The following NCOA2 variants were observed in gnomAD, a reference collection of about 807,000 sequenced individuals.
NCOA2 encodes the protein nuclear receptor coactivator 2.
Under a neutral mutation model 145.1 loss-of-function variants are expected in NCOA2, and 21 were observed. The observed-to-expected ratio is 0.14, with a 90% CI of 0.10 to 0.21. The LOEUF (loss-of-function observed/expected upper bound fraction) is 0.21. Ranked by LOEUF, NCOA2 falls within the 10% of genes least tolerant of loss-of-function variation. The probability of loss-of-function intolerance (pLI) is 1.00; values close to 1 mark genes in which losing one functional copy is unlikely to be tolerated. For synonymous variants in NCOA2, 619 were observed against 637.5 expected, an observed-to-expected ratio of 0.97 and a Z score of 0.44; for missense variants, 1,472 against 1,837.6, an observed-to-expected ratio of 0.80 and a Z score of 3.64.
At chr8:70,113,671 A>G (rs1806753978) in intron 22 of NCOA2, 28 bp from the exon 23 acceptor site, 2 of 1,550,136 alleles carry the variant, frequency 1.3e-6, no homozygotes, top group Non-Finnish European at 1.7e-6. Context: ...AAAAGTTGTG[A>G]AACATCTTTG....
chr8:70,114,189 T>A (rs780996811), intron 22 of NCOA2, among the ~76,000 whole-genome samples: 3 of 152,074 alleles, frequency 2.0e-5, no homozygotes, highest in Non-Finnish European at 4.4e-5. Flanking sequence ...TTTTGACTCC[T>A]GGGGTTTTGT....
chr8:70,422,136 A>T, the NCOA2 span, among the ~76,000 whole-genome samples: 1 of 152,072 alleles, frequency 6.6e-6, no homozygotes, highest in Non-Finnish European at 1.5e-5. Context: ...CACCAAAAAA[A>T]AGAAAGAAAA....
At chr8:70,155,888 C>T in intron 11 of NCOA2, 83 bp downstream of exon 11, 1 of 1,110,940 alleles carries the variant, frequency 9.0e-7, no homozygotes. Flanking sequence ...ATCCAATCAC[C>T]TGAGACTTCA....
intron 2 of NCOA2, among the ~76,000 whole-genome samples, chr8:70,224,913 C>T (rs1820478150): frequency 6.6e-6 from 1 of 151,846 alleles, no homozygotes; most frequent in African/African-American, 2.4e-5. Context: ...CCACTCCCTG[C>T]CCCGCTCCTC....
Position 70,212,196 on chromosome 8 carries a change from T to C in NCOA2, c.259+1707A>G, listed in dbSNP as rs60796592. ...AAACCTAAAACAAGAAGCTTAATGA[T>C]TTCTTTACTGTAATGACATCAGCAA... On this transcript the variant is annotated intron_variant, in intron 4 of 22. Coordinates refer to ENST00000452400, the MANE Select transcript of NCOA2 (RefSeq NM_006540.4). Among the ~76,000 whole-genome samples, 576 of 152,130 alleles carry C rather than the reference T, an allele frequency of 3.8e-3. 8 individuals are homozygous for C. Among genetic ancestry groups the C allele is most frequent in the African/African-American group, 0.013 (560 of 41,490 alleles).
the NCOA2 span, among the ~76,000 whole-genome samples, chr8:70,440,822 A>G: frequency 2.0e-5 from 3 of 151,626 alleles, no homozygotes; most frequent in East Asian, 3.9e-4. Context: ...AAGGAAAGAG[A>G]GCAAGAAAGA....
chr8:70,192,368 G>T (rs1393956097), intron 4 of NCOA2, among the ~76,000 whole-genome samples: 1 of 152,244 alleles, frequency 6.6e-6, no homozygotes, highest in Non-Finnish European at 1.5e-5. Context: ...GAAGACAGCA[G>T]AATGGGAAGC....
At chr8:70,441,609 C>A in the NCOA2 span, among the ~76,000 whole-genome samples, 2 of 144,412 alleles carry the variant, frequency 1.4e-5, no homozygotes, top group Non-Finnish European at 3.0e-5. Context: ...AGAGAGAAAG[C>A]AAGCAAGCAA....
chr8:70,380,911 C>CA (rs1812132273), intron 1 of NCOA2, among the ~76,000 whole-genome samples: 1 of 151,880 alleles, frequency 6.6e-6, no homozygotes, highest in Admixed American at 6.6e-5. Flanking sequence ...CCCACCTCTA[C>CA]AAAAAATATA....
chr8:70,219,960 G>A (rs1389309465), intron 2 of NCOA2, among the ~76,000 whole-genome samples: 1 of 152,100 alleles, frequency 6.6e-6, no homozygotes, highest in African/African-American at 2.4e-5. Context: ...AAACCAGAGA[G>A]AGATAGATAA....
intron 19 of NCOA2, 121 bp downstream of exon 19, chr8:70,126,692 T>C: frequency 1.1e-6 from 1 of 870,324 alleles, no homozygotes; most frequent in South Asian, 1.6e-5. Context: ...TATCATTCCC[T>C]GGTTAGCCAG....
Position 70,162,760 on chromosome 8 carries a change from C to A in NCOA2, c.927G>T (p.Ala309=). ...AGGACACAGATTCTCCTTCATGCTGCGCATGGAACTTCTGAATACACCTTC... is the reference window on the plus strand; with the variant it reads ...AGGACACAGATTCTCCTTCATGCTGAGCATGGAACTTCTGAATACACCTTC... The part of the protein sequence containing the change: ...LVRRCIQKFH[A]QHEGESVSYA... Residue 309 remains alanine (A), a synonymous_variant, in exon 9 of 23, where the codon GCG becomes GCT. Coordinates refer to ENST00000452400, the MANE Select transcript of NCOA2 (RefSeq NM_006540.4). The A allele has an allele frequency of 6.2e-7, 1 of 1,613,832 alleles. No individual in the cohort carries two copies. Among genetic ancestry groups the A allele is most frequent in the Non-Finnish European group, 8.5e-7 (1 of 1,179,792 alleles).
At chr8:70,282,979 A>G (rs1445850718) in intron 2 of NCOA2, among the ~76,000 whole-genome samples, 1 of 152,198 alleles carries the variant, frequency 6.6e-6, no homozygotes, top group East Asian at 1.9e-4. Context: ...CTGAATTTTC[A>G]TTTTAGTAAA....
chr8:70,131,688 G>A lies in NCOA2; in HGVS notation c.3324+149C>T. The stretch of plus-strand genomic sequence containing the variant: ...ATGTGAGGGTTACAAGGAAAGGGGA[G>A]GAAGAAACAGGGCCAGCCTGTTTTG... On this transcript the variant is annotated intron_variant, in intron 16 of 22. Coordinates refer to ENST00000452400, the MANE Select transcript of NCOA2 (RefSeq NM_006540.4). The A allele has an allele frequency of 1.9e-5, 15 of 802,308 alleles. No individual in the cohort carries two copies. The South Asian group carries it at 2.4e-4, about 13-fold the overall frequency. 49.7% of individuals were successfully genotyped at this position (802,308 alleles called of 1,614,324 possible).
chr8:70,122,660 T>C (rs1807954324), intron 21 of NCOA2, among the ~76,000 whole-genome samples: 1 of 152,258 alleles, frequency 6.6e-6, no homozygotes. Flanking sequence ...GCACACAACC[T>C]TCTTAAAATG....
At chr8:70,186,439 C>T (rs1816076866) in intron 4 of NCOA2, among the ~76,000 whole-genome samples, 1 of 152,130 alleles carries the variant, frequency 6.6e-6, no homozygotes, top group Admixed American at 6.6e-5. Flanking sequence ...ACTACCAAGG[C>T]CCCTCAGATC....
intron 16 of NCOA2, among the ~76,000 whole-genome samples, chr8:70,129,346 A>G (rs780335381): frequency 1.4e-4 from 22 of 152,218 alleles, no homozygotes; most frequent in Non-Finnish European, 2.9e-4. Flanking sequence ...TTGATTGATT[A>G]TTCATATCTG....
At chr8:70,384,311 C>T (rs1356564729) in intron 1 of NCOA2, among the ~76,000 whole-genome samples, 1 of 151,060 alleles carries the variant, frequency 6.6e-6, no homozygotes, top group African/African-American at 2.4e-5. Flanking sequence ...ATATGCCCAA[C>T]CATTCTTCGC....
intron 2 of NCOA2, among the ~76,000 whole-genome samples, chr8:70,268,949 A>T (rs1824825268): frequency 6.6e-6 from 1 of 152,162 alleles, no homozygotes. Flanking sequence ...CTGTAAAGAT[A>T]AATATTTATA....
Sources: allele counts gnomAD v4.1 joint callset (sites outside exome capture counted in the v4.1 genomes callset), GRCh38; gene constraint gnomAD v4.1.1; transcripts MANE v1.5; gene names NCBI Gene and HGNC (gene_info 2026-07-23, HGNC 2026-07-21).